The following DAG1 variants were observed in gnomAD, a reference collection of about 807,000 sequenced individuals.
DAG1 encodes the protein dystroglycan 1 (dystrophin-associated glycoprotein 1).
Under a neutral mutation model 46.1 loss-of-function variants are expected in DAG1, and 8 were observed. That is an observed-to-expected ratio of 0.17 (90% CI 0.10 to 0.31). The LOEUF is 0.31. DAG1 is among the 10% of genes least tolerant of loss of function. The pLI, the probability that DAG1 is intolerant of heterozygous loss-of-function variation, is 1.00. For missense variants in DAG1, 1,003 were observed against 1,189.9 expected (o/e 0.84, Z 2.31); for synonymous variants, 495 against 481.8 (o/e 1.03, Z -0.36).
chr3:49,512,446 C>T (rs1308221188), intron 2 of DAG1, among the ~76,000 whole-genome samples: 1 of 151,708 alleles, frequency 6.6e-6, no homozygotes, highest in African/African-American at 2.4e-5. Flanking sequence ...AGCTGGAATG[C>T]AATGACACAA....
chr3:49,530,933 A>G lies in DAG1; in HGVS notation c.422A>G (p.Asn141Ser), dbSNP rs2051323516. The G allele has an allele frequency of 6.2e-7, 1 of 1,614,018 alleles. No individual in the cohort carries two copies. Among genetic ancestry groups the G allele is most frequent in the Admixed American group, 1.7e-5 (1 of 59,988 alleles). Residue 141 changes from asparagine (N) to serine (S), a missense_variant, in exon 3 of 3, where the codon AAC becomes AGC. By Grantham distance (46) the Asn-to-Ser change is conservative. Transcript: ENST00000308775. The stretch of plus-strand genomic sequence containing the variant: ...GTGAGCGCTACACGGCTGGGGGCCA[A>G]CGGGAGCCACATCCCCCAGACCTCC... ...ISVSATRLGA[N>S]GSHIPQTSSV... is the part of the protein sequence containing the mutation.
intron 1 of DAG1, among the ~76,000 whole-genome samples, chr3:49,472,526 C>T (rs954844108): frequency 5.3e-5 from 8 of 152,066 alleles, no homozygotes; most frequent in Middle Eastern, 6.8e-3. Flanking sequence ...AAAACTTTAT[C>T]GCCGGGCATG....
chr3:49,494,947 T>C lies in DAG1; in HGVS notation c.-116-15472T>C, dbSNP rs188444839. ...CGGCGCTTGGCTGCTTGGGGAATTA[T>C]TTAGGGGATTTAGTGGAATTTCCTT... On this transcript the variant is annotated intron_variant, in intron 1 of 2. Transcript: ENST00000308775. Among the ~76,000 whole-genome samples, 344 of 152,174 alleles carry C rather than the reference T, an allele frequency of 2.3e-3. 12 individuals carry two copies. The highest frequency in any genetic ancestry group is 0.022 in the Admixed American group (341 of 15,266).
intron 2 of DAG1, among the ~76,000 whole-genome samples, chr3:49,512,603 G>A (rs1212139713): frequency 1.3e-5 from 2 of 151,440 alleles, no homozygotes; most frequent in Non-Finnish European, 2.9e-5. Flanking sequence ...TGTTGGCCAG[G>A]CTGGTCTCAA....
intron 2 of DAG1, among the ~76,000 whole-genome samples, chr3:49,513,947 G>A (rs577278106): frequency 6.6e-6 from 1 of 152,032 alleles, no homozygotes; most frequent in Non-Finnish European, 1.5e-5. Context: ...ATTAATCTTG[G>A]CCAGAAGTGC....
chr3:49,498,435 A>G (rs1011887189), intron 1 of DAG1, among the ~76,000 whole-genome samples: 4 of 152,068 alleles, frequency 2.6e-5, no homozygotes, highest in South Asian at 2.1e-4. Flanking sequence ...CAAATAAACA[A>G]TGACTTCACA....
intron 2 of DAG1, among the ~76,000 whole-genome samples, chr3:49,529,425 GA>G (rs937239495): frequency 3.1e-4 from 47 of 152,314 alleles, no homozygotes; most frequent in African/African-American, 1.1e-3. Context: ...CTGCTGCCTG[GA>G]CACCTGGGTA....
Position 49,502,238 on chromosome 3 carries a change from C to T in DAG1, c.-116-8181C>T, listed in dbSNP as rs566047331. ...TATAGAGATCTGAGGAGAAGACCCT[C>T]ACCAGAGTACTGGGACTGCTGGTTG... On this transcript the variant is annotated intron_variant, in intron 1 of 2. Transcript: ENST00000308775. Among the ~76,000 whole-genome samples, 10 of 152,358 alleles carry T rather than the reference C, an allele frequency of 6.6e-5. No homozygotes were observed. In the South Asian group the frequency reaches 1.9e-3, roughly 28 times the overall value.
At chr3:49,501,874 A>G (rs926330484) in intron 1 of DAG1, among the ~76,000 whole-genome samples, 25 of 151,932 alleles carry the variant, frequency 1.6e-4, no homozygotes, top group African/African-American at 4.3e-4. Context: ...AGAAAACACT[A>G]TGCAACAGTA....
intron 1 of DAG1, among the ~76,000 whole-genome samples, chr3:49,477,530 C>T (rs914817038): frequency 6.6e-6 from 1 of 152,050 alleles, no homozygotes; most frequent in African/African-American, 2.4e-5. Context: ...TGGGCTCAAA[C>T]GATCCTCCCG....
In DAG1 at chr3:49,532,284, C is replaced by G. The variant is rs2229010; in HGVS notation, c.1773C>G (p.Phe591Leu). ...GGGGCCTGTCGGCTGTGGATGCCTT[C>G]GAGATCCACGTCCACAGGCGCCCCC... ...DKGGLSAVDA[F>L]EIHVHRRPQG... The change falls in exon 3 of 3, where the codon TTC becomes TTG. Residue 591 changes from phenylalanine (F) to leucine (L), a missense_variant. Coordinates refer to ENST00000308775, the MANE Select transcript of DAG1 (RefSeq NM_004393.6). The surrounding 1 kb of genome is among the most constrained non-coding windows in gnomAD (Gnocchi z 5.4). 6.2e-7 allele frequency: 1 copy of G among 1,614,100 alleles called. No homozygotes were observed. Among genetic ancestry groups the G allele is most frequent in the South Asian group, 1.1e-5 (1 of 91,090 alleles).
chr3:49,496,702 C>G (rs1575366581), intron 1 of DAG1, among the ~76,000 whole-genome samples: 1 of 151,042 alleles, frequency 6.6e-6, no homozygotes, highest in Non-Finnish European at 1.5e-5. Context: ...TCTCGGCTCA[C>G]TGCAACCTCT....
intron 1 of DAG1, among the ~76,000 whole-genome samples, chr3:49,477,371 G>A (rs1049745273): frequency 6.6e-6 from 1 of 152,110 alleles, no homozygotes; most frequent in Non-Finnish European, 1.5e-5. Context: ...GCTCACTGCA[G>A]ACCTTGACCT....
chr3:49,469,253 C>G (rs2049447147), upstream of DAG1, among the ~76,000 whole-genome samples: 1 of 152,158 alleles, frequency 6.6e-6, no homozygotes. Flanking sequence ...CCAGCCTGGC[C>G]ACAGGCCAAG....
chr3:49,519,068 TG>T (rs1011214753), intron 2 of DAG1, among the ~76,000 whole-genome samples: 4 of 152,134 alleles, frequency 2.6e-5, no homozygotes, highest in African/African-American at 9.7e-5. Context: ...CTTCACTCAG[TG>T]GATCCTGGCC....
chr3:49,492,482 A>G (rs2050215125), intron 1 of DAG1, among the ~76,000 whole-genome samples: 1 of 152,060 alleles, frequency 6.6e-6, no homozygotes. Context: ...CCCCATCTCT[A>G]CAAAAGATAA....
chr3:49,471,630 T>C (rs1246065124), intron 1 of DAG1, among the ~76,000 whole-genome samples: 1 of 152,216 alleles, frequency 6.6e-6, no homozygotes, highest in Non-Finnish European at 1.5e-5. Flanking sequence ...GGATCCATCA[T>C]GTGAAGACCC....
At chr3:49,491,319 T>G (rs1324570169) in intron 1 of DAG1, among the ~76,000 whole-genome samples, 1 of 151,020 alleles carries the variant, frequency 6.6e-6, no homozygotes, top group Non-Finnish European at 1.5e-5. Flanking sequence ...CAAGTTGTTT[T>G]TTTTTTTTTT....
chr3:49,512,456 A>G lies in DAG1; in HGVS notation c.285+1637A>G, dbSNP rs1156694936. 5.9e-5 allele frequency among the ~76,000 whole-genome samples: 9 copies of G among 151,486 alleles called. No homozygotes were observed. In the East Asian group the frequency reaches 1.4e-3, roughly 23 times the overall value. On this transcript the variant is annotated intron_variant, in intron 2 of 2. Coordinates refer to ENST00000308775, the MANE Select transcript of DAG1 (RefSeq NM_004393.6). ...ACCCAAGCTGGAATGCAATGACACA[A>G]TCTCAGCTCACTGCAACCTCCATCT...
Sources: allele counts gnomAD v4.1 joint callset (sites outside exome capture counted in the v4.1 genomes callset), GRCh38; gene constraint gnomAD v4.1.1; non-coding constraint Gnocchi (gnomAD v3.1); transcripts MANE v1.5; gene names NCBI Gene and HGNC (gene_info 2026-07-23, HGNC 2026-07-21).